PDE10A: variants seen among roughly 807,000 people sequenced by gnomAD.
PDE10A encodes the protein cAMP and cAMP-inhibited cGMP 3',5'-cyclic phosphodiesterase 10A.
In PDE10A, 39 loss-of-function variants were observed where a neutral mutation model predicts 97.7. The ratio of observed to expected loss-of-function variants is 0.40; its 90% CI spans 0.31 to 0.52. The LOEUF (loss-of-function observed/expected upper bound fraction) is 0.52, where lower values mean the gene tolerates loss of function less well. Ranked by LOEUF, PDE10A falls within the 20% of genes least tolerant of loss-of-function variation. PDE10A has a pLI of 0.56. For synonymous variants in PDE10A, 371 were observed against 376.8 expected (o/e 0.98, Z 0.18); for missense variants, 731 against 1,047.8 (o/e 0.70, Z 4.17).
intron 1 of PDE10A, among the ~76,000 whole-genome samples, chr6:165,901,516 C>T (rs1229084417): frequency 2.0e-5 from 3 of 152,138 alleles, no homozygotes; most frequent in Non-Finnish European, 4.4e-5. Flanking sequence ...CAAAATGCCC[C>T]GCATGGCCAG....
At chr6:165,887,481 C>T (rs1170453243) in intron 1 of PDE10A, among the ~76,000 whole-genome samples, 1 of 152,188 alleles carries the variant, frequency 6.6e-6, no homozygotes, top group Non-Finnish European at 1.5e-5. Context: ...TAACCTTCCT[C>T]CTGAACCTTT....
chr6:165,976,322 C>A (rs1424888268), intron 1 of PDE10A, among the ~76,000 whole-genome samples: 1 of 152,126 alleles, frequency 6.6e-6, no homozygotes, highest in African/African-American at 2.4e-5. Flanking sequence ...TAAAATCAGG[C>A]CTCTCACCAT....
intron 1 of PDE10A, among the ~76,000 whole-genome samples, chr6:165,794,729 A>G (rs1044393771): frequency 3.3e-5 from 5 of 152,234 alleles, no homozygotes; most frequent in Non-Finnish European, 7.3e-5. Context: ...ACTAGTTTTG[A>G]AACAATTAGA....
chr6:165,773,389 C>T (rs1407065910), intron 1 of PDE10A: 3 of 152,190 alleles, frequency 2.0e-5, no homozygotes, highest in African/African-American at 7.2e-5. Context: ...ATTTGCTATA[C>T]AGGCTATATT....
intron 3 of PDE10A, among the ~76,000 whole-genome samples, chr6:165,468,353 G>A (rs934417441): frequency 5.3e-5 from 8 of 151,996 alleles, no homozygotes; most frequent in East Asian, 1.9e-4. Context: ...CTCCAAAAGC[G>A]CTGGGATTAC....
intron 1 of PDE10A, among the ~76,000 whole-genome samples, chr6:165,581,602 T>C (rs757631678): frequency 8.5e-5 from 13 of 152,242 alleles, no homozygotes; most frequent in South Asian, 2.1e-4. Flanking sequence ...TGGTACTTGT[T>C]GGAGCAGCCC....
chr6:165,641,068 G>A (rs181145313), intron 1 of PDE10A, among the ~76,000 whole-genome samples: 2 of 152,274 alleles, frequency 1.3e-5, no homozygotes, highest in East Asian at 3.9e-4. Flanking sequence ...ACAGCAACAT[G>A]GCTGTCTGCT....
At chr6:165,983,097 A>G (rs1388170946) in intron 1 of PDE10A, among the ~76,000 whole-genome samples, 1 of 148,958 alleles carries the variant, frequency 6.7e-6, no homozygotes, top group African/African-American at 2.5e-5. Context: ...ACACGAGTAC[A>G]TGTGTCAAAT....
chr6:165,779,644 T>C (rs1279375370), intron 1 of PDE10A, among the ~76,000 whole-genome samples: 6 of 152,240 alleles, frequency 3.9e-5, no homozygotes, highest in Admixed American at 3.9e-4. Flanking sequence ...TCTGTTTAAT[T>C]TTTTGCTTGC....
chr6:165,569,769 C>T (rs545469725), intron 1 of PDE10A, among the ~76,000 whole-genome samples: 5 of 152,250 alleles, frequency 3.3e-5, no homozygotes, highest in Admixed American at 3.3e-4. Flanking sequence ...CCTGTGTAGG[C>T]ACTATCAATA....
chr6:165,608,298 C>A (rs1461581885), intron 1 of PDE10A, among the ~76,000 whole-genome samples: 1 of 134,554 alleles, frequency 7.4e-6, no homozygotes, highest in Non-Finnish European at 1.5e-5. Flanking sequence ...GTGTGATATA[C>A]CCCTTCCTGT....
At chr6:165,751,868 G>A (rs577175374) in intron 1 of PDE10A, among the ~76,000 whole-genome samples, 13 of 152,090 alleles carry the variant, frequency 8.5e-5, no homozygotes, top group East Asian at 5.8e-4. Context: ...GGCCAGGCAC[G>A]GTGGCTCATG....
chr6:165,802,913 C>T (rs1779020286), intron 1 of PDE10A, among the ~76,000 whole-genome samples: 5 of 152,178 alleles, frequency 3.3e-5, no homozygotes, highest in Admixed American at 3.3e-4. Context: ...GATCACGTAC[C>T]ACATACAGCA....
rs1192210196 is a variant in PDE10A at position 165,668,773 on chromosome 6, AAGGG to A, written c.-614-125209_-614-125206del. Among the ~76,000 whole-genome samples the A allele has an allele frequency of 1.9e-4, 20 of 105,152 alleles. 1 individual carries two copies. The highest frequency in any genetic ancestry group is 3.1e-4 in the East Asian group (1 of 3,258). 69.0% of individuals were successfully genotyped at this position (105,152 alleles called of 152,430 possible). A position where few individuals can be genotyped will look rare whatever the true frequency, so the allele number is the denominator to read the frequency against. On this transcript the variant is annotated intron_variant, in intron 1 of 19. Coordinates refer to the PDE10A transcript ENST00000366882. ...AGAGAAAGGAAGGAAGGAAGGTAGG[AAGGG>A]AGGGAGGGAGGGAGGAAGGGGAAGG...
intron 1 of PDE10A, among the ~76,000 whole-genome samples, chr6:165,590,094 G>C (rs1331943441): frequency 6.6e-6 from 1 of 152,204 alleles, no homozygotes; most frequent in Non-Finnish European, 1.5e-5. Flanking sequence ...GTACACATCT[G>C]AGGTTGAGGA....
At chr6:165,973,970 C>T (rs1219778387) in intron 1 of PDE10A, among the ~76,000 whole-genome samples, 2 of 152,140 alleles carry the variant, frequency 1.3e-5, no homozygotes, top group Non-Finnish European at 2.9e-5. Context: ...ATAGTTTTAT[C>T]CTTATATTTT....
intron 13 of PDE10A, 75 bp downstream of exon 13, chr6:165,413,426 C>T: frequency 9.6e-7 from 1 of 1,039,500 alleles, no homozygotes; most frequent in Non-Finnish European, 1.4e-6. Flanking sequence ...AAAAAAAGCC[C>T]TTAAGCTGCT....
At chr6:165,767,965 T>A (rs1001625833) in intron 1 of PDE10A, among the ~76,000 whole-genome samples, 6 of 152,244 alleles carry the variant, frequency 3.9e-5, no homozygotes, top group South Asian at 2.1e-4. Context: ...GTGTTTTTTT[T>A]AAAAACCATC....
chr6:165,877,841 C>T (rs887208945), intron 1 of PDE10A, among the ~76,000 whole-genome samples: 8 of 152,154 alleles, frequency 5.3e-5, no homozygotes, highest in Admixed American at 2.0e-4. Flanking sequence ...CTGCACCAAA[C>T]AACCCTCTGA....
Sources: allele counts gnomAD v4.1 joint callset (sites outside exome capture counted in the v4.1 genomes callset), GRCh38; gene constraint gnomAD v4.1.1; transcripts MANE v1.5; gene names NCBI Gene and HGNC (gene_info 2026-07-23, HGNC 2026-07-21).